The following OR6N2 variants were observed in gnomAD, a reference collection of about 807,000 sequenced individuals.
OR6N2 encodes the protein olfactory receptor 6N2.
For synonymous variants in OR6N2, 160 were observed against 138.3 expected, an observed-to-expected ratio of 1.16 and a Z score of -1.10; for missense variants, 399 against 379.7, an observed-to-expected ratio of 1.05 and a Z score of -0.42.
At chr1:158,778,297 T>G (rs1255184218) in intron 1 of OR6N2, among the ~76,000 whole-genome samples, 1 of 152,170 alleles carries the variant, frequency 6.6e-6, no homozygotes, top group African/African-American at 2.4e-5. Flanking sequence ...TACAGAACAC[T>G]TCAGTGTGCC....
intron 1 of OR6N2, among the ~76,000 whole-genome samples, chr1:158,780,915 T>C (rs1407741516): frequency 6.6e-6 from 1 of 152,228 alleles, no homozygotes; most frequent in East Asian, 1.9e-4. Context: ...AAATGTTTGC[T>C]AATCTCTTGG....
chr1:158,779,203 G>A (rs939272546), intron 1 of OR6N2, among the ~76,000 whole-genome samples: 2 of 152,038 alleles, frequency 1.3e-5, no homozygotes, highest in Non-Finnish European at 2.9e-5. Context: ...TGTAACAGAT[G>A]CAAAAAGAAA....
Position 158,776,643 on chromosome 1 carries a change from G to GA in OR6N2, c.*38dup, listed in dbSNP as rs1162275361. The GA allele has an allele frequency of 1.6e-6, 2 of 1,236,038 alleles. No individual in the cohort carries two copies. The highest frequency in any genetic ancestry group is 2.9e-5 in the South Asian group (2 of 70,102). 76.6% of individuals were successfully genotyped at this position (1,236,038 alleles called of 1,614,324 possible). The stretch of plus-strand genomic sequence containing the variant: ...GGAAGATTACTCAAGGAACTTTTAT[G>GA]AATTGAACATTGAGGTGAGAAAGGA... On this transcript the variant is annotated 3_prime_UTR_variant, in exon 2 of 2. Coordinates refer to ENST00000641131, the MANE Select transcript of OR6N2 (RefSeq NM_001005278.2).
At chr1:158,778,618 A>T (rs181688719) in intron 1 of OR6N2, among the ~76,000 whole-genome samples, 25 of 152,190 alleles carry the variant, frequency 1.6e-4, no homozygotes, top group Middle Eastern at 6.8e-3. Context: ...CATAAGTAAA[A>T]TTTAACTATT....
At chr1:158,779,018 C>CCAAAAAAAAAAAAA (rs1157398301) in intron 1 of OR6N2, among the ~76,000 whole-genome samples, 2 of 86,408 alleles carry the variant, frequency 2.3e-5, no homozygotes, top group African/African-American at 1.1e-4. Context: ...GACTGCGTCT[C>CCAAAAAAAAAAAAA]AAAAAAAAAA....
At chr1:158,779,044 C>CAAAAAAAAAA (rs1657682166) in intron 1 of OR6N2, among the ~76,000 whole-genome samples, 1 of 107,538 alleles carries the variant, frequency 9.3e-6, no homozygotes, top group African/African-American at 3.9e-5. Context: ...AATGCAGATT[C>CAAAAAAAAAA]AAAAACAAAC....
intron 1 of OR6N2, among the ~76,000 whole-genome samples, chr1:158,779,405 T>C (rs1192378395): frequency 6.6e-6 from 1 of 152,176 alleles, no homozygotes; most frequent in Non-Finnish European, 1.5e-5. Flanking sequence ...ATTAAAAGTA[T>C]TCAATAAGAT....
At chr1:158,781,030 A>C (rs944832789) in intron 1 of OR6N2, 140 bp downstream of exon 1, 4 of 152,232 alleles carry the variant, frequency 2.6e-5, no homozygotes, top group South Asian at 2.1e-4. Context: ...GAATTATTTC[A>C]AGTCCCAGTT....
chr1:158,779,017 T>TCAAAAAAAAAAA (rs1657679983), intron 1 of OR6N2, among the ~76,000 whole-genome samples: 1 of 19,482 alleles, frequency 5.1e-5, no homozygotes, highest in Non-Finnish European at 8.6e-5. Flanking sequence ...AGACTGCGTC[T>TCAAAAAAAAAAA]CAAAAAAAAA....
Position 158,776,039 on chromosome 1 carries a change from C to T in OR6N2, c.*643G>A, listed in dbSNP as rs557578700. On this transcript the variant is annotated 3_prime_UTR_variant, in exon 2 of 2. Transcript: ENST00000641131. ...TTGTGATAGAGATCATATTTAAATC[C>T]ATAAGAATAACTCCGAGTATCTAGG... 2.0e-5 allele frequency: 3 copies of T among 151,812 alleles called. No homozygotes were observed. Among genetic ancestry groups the T allele is most frequent in the African/African-American group, 4.9e-5 (2 of 41,196 alleles). 9.4% of individuals were successfully genotyped at this position (151,812 alleles called of 1,614,324 possible). A position where few individuals can be genotyped will look rare whatever the true frequency, so the allele number is the denominator to read the frequency against.
At chr1:158,779,915 C>A (rs2102017227) in intron 1 of OR6N2, among the ~76,000 whole-genome samples, 1 of 152,288 alleles carries the variant, frequency 6.6e-6, no homozygotes, top group East Asian at 1.9e-4. Flanking sequence ...TTGTTAAGAT[C>A]TTTGAGAGCA....
chr1:158,779,723 A>G (rs1657702600), intron 1 of OR6N2, among the ~76,000 whole-genome samples: 1 of 152,226 alleles, frequency 6.6e-6, no homozygotes, highest in South Asian at 2.1e-4. Context: ...CTTCTAAGTC[A>G]TCTCTCTTCT....
chr1:158,779,106 A>G (rs753611793), intron 1 of OR6N2, among the ~76,000 whole-genome samples: 2 of 152,164 alleles, frequency 1.3e-5, no homozygotes, highest in African/African-American at 4.8e-5. Flanking sequence ...AATCAATTAT[A>G]TAAATACAGG....
Position 158,777,321 on chromosome 1 carries a change from G to A in OR6N2, c.315C>T (p.His105=). ...AGCLLQTYFF[H]SLGASECYLL... Reference sequence around the variant, plus strand: ...GGTAGCATTCAGACGCTCCCAAGGAGTGGAAGAAGTAGGTCTGAAGGAGGC... The same window carrying A: ...GGTAGCATTCAGACGCTCCCAAGGAATGGAAGAAGTAGGTCTGAAGGAGGC... Residue 105 remains histidine, a synonymous_variant, in exon 2 of 2, where the codon CAC becomes CAT. Transcript: ENST00000641131. 1 of 1,614,180 alleles carries A rather than the reference G, an allele frequency of 6.2e-7. No homozygotes were observed. Among genetic ancestry groups the A allele is most frequent in the Non-Finnish European group, 8.5e-7 (1 of 1,180,026 alleles).
chr1:158,774,752 T>C lies in OR6N2; in HGVS notation c.*1930A>G, dbSNP rs1657540267. ...GATCCAGAAAATTAACCTAGTATGA[T>C]GCACAGTAGCTAAGCAAGGACTAGT... On this transcript the variant is annotated 3_prime_UTR_variant, in exon 2 of 2. Coordinates refer to ENST00000641131, the MANE Select transcript of OR6N2 (RefSeq NM_001005278.2). 6.6e-6 allele frequency: 1 copy of C among 151,842 alleles called. No homozygotes were observed. The highest frequency in any genetic ancestry group is 2.4e-5 in the African/African-American group (1 of 41,332). The allele number at this position is 151,842 out of a possible 1,614,324, so 9.4% of individuals were successfully genotyped here. A position where few individuals can be genotyped will look rare whatever the true frequency, so the allele number is the denominator to read the frequency against.
At position 158,777,219 on chromosome 1, in the gene OR6N2, T is replaced by TGTG; in HGVS notation, c.414_416dup (p.Thr139dup). 2 of 1,613,432 alleles carry TGTG rather than the reference T, an allele frequency of 1.2e-6. No individual in the cohort carries two copies. The highest frequency in any genetic ancestry group is 1.7e-6 in the Non-Finnish European group (2 of 1,179,884). ...AAGCAGCAGCCATCTTGGCACAGAG[T>TGTG]GTGGTGGTCATAATTATAGGGTAGT... On this transcript the variant is annotated inframe_insertion, in exon 2 of 2. Transcript: ENST00000641131.
In OR6N2 at chr1:158,777,135, T is replaced by C. The variant is rs761939296; in HGVS notation, c.501A>G (p.Pro167=). Residue 167 remains proline (P), a synonymous_variant, in exon 2 of 2, where the codon CCA becomes CCG. Coordinates refer to ENST00000641131, the MANE Select transcript of OR6N2 (RefSeq NM_001005278.2). ...ISEVILASQL[P]FCAYNEIQHI... is the part of the protein sequence containing the mutation. ...GTTGGATTTCATTGTAAGCACAAAA[T>C]GGGAGCTGGGAGGCAAGGATGACCT... is the stretch of plus-strand genomic sequence containing the variant. 3.1e-6 allele frequency: 5 copies of C among 1,614,020 alleles called. No homozygotes were observed. The South Asian group carries it at 5.5e-5, about 18-fold the overall frequency.
In OR6N2 at chr1:158,775,662, T is replaced by C. The variant is rs186542687; in HGVS notation, c.*1020A>G. On this transcript the variant is annotated 3_prime_UTR_variant, in exon 2 of 2. Coordinates refer to ENST00000641131, the MANE Select transcript of OR6N2 (RefSeq NM_001005278.2). The stretch of plus-strand genomic sequence containing the variant: ...GTAGAATATTATTACATTAATCCAA[T>C]TGAGAGATGTTGGTAATTTACACCA... 6.6e-6 allele frequency: 1 copy of C among 152,266 alleles called. No homozygotes were observed. Among genetic ancestry groups the C allele is most frequent in the Non-Finnish European group, 1.5e-5 (1 of 68,006 alleles). 9.4% of individuals were successfully genotyped at this position (152,266 alleles called of 1,614,324 possible).
rs138319042 is a variant in OR6N2, at chr1:158,777,293, G to A, written c.343C>T (p.Leu115Phe). 15 of 1,614,036 alleles carry A rather than the reference G, an allele frequency of 9.3e-6. No homozygotes were observed. The highest frequency in any genetic ancestry group is 1.0e-5 in the Non-Finnish European group (12 of 1,180,008). Residue 115 changes from leucine to phenylalanine, a missense_variant, in exon 2 of 2, where the codon CTT becomes TTT. Leu to Phe is a conservative substitution (Grantham distance 22). Transcript: ENST00000641131. The stretch of plus-strand genomic sequence containing the variant: ...TATCTATCATAGGCCATGGCTGTAA[G>A]AAGGTAGCATTCAGACGCTCCCAAG... The part of the protein sequence containing the change: ...HSLGASECYL[L>F]TAMAYDRYLA...
Sources: allele counts gnomAD v4.1 joint callset (sites outside exome capture counted in the v4.1 genomes callset), GRCh38; gene constraint gnomAD v4.1.1; transcripts MANE v1.5; gene names NCBI Gene and HGNC (gene_info 2026-07-23, HGNC 2026-07-21).